Variants in CLVS1 observed in about 807,000 individuals in gnomAD.
CLVS1 encodes the protein clavesin-1.
Under a neutral mutation model 33.1 loss-of-function variants are expected in CLVS1, and 10 were observed. The ratio of observed to expected loss-of-function variants is 0.30; its 90% CI spans 0.19 to 0.51. The LOEUF is 0.51. Ranked by LOEUF, CLVS1 falls within the 20% of genes least tolerant of loss-of-function variation. The pLI is 0.97. For missense variants in CLVS1, 343 were observed against 433.4 expected (o/e 0.79, Z 1.85); for synonymous variants, 163 against 166.1 (o/e 0.98, Z 0.14).
intron 2 of CLVS1, among the ~76,000 whole-genome samples, chr8:61,347,811 A>C (rs972365095): frequency 6.6e-6 from 1 of 151,092 alleles, no homozygotes; most frequent in Non-Finnish European, 1.5e-5. Context: ...TTGCTGAATC[A>C]TATGATAGTT....
chr8:61,059,475 C>CATACATACATACATATATATATATAT (rs59538219), intron 1 of CLVS1, among the ~76,000 whole-genome samples: 2 of 50,206 alleles, frequency 4.0e-5, no homozygotes, highest in African/African-American at 5.9e-5. Context: ...TACATACATA[C>CATACATACATACATATATATATATAT]ATATATATAT....
At chr8:61,156,954 T>C (rs1195615410) in intron 2 of CLVS1, among the ~76,000 whole-genome samples, 2 of 152,190 alleles carry the variant, frequency 1.3e-5, no homozygotes, top group Non-Finnish European at 2.9e-5. Flanking sequence ...GGGTCCCACA[T>C]TGCAGAGATC....
intron 2 of CLVS1, among the ~76,000 whole-genome samples, chr8:61,351,728 G>A (rs182734320): frequency 6.6e-5 from 10 of 152,136 alleles, no homozygotes; most frequent in African/African-American, 2.4e-4. Context: ...ACCAATTCAA[G>A]TGACACTGAA....
At chr8:61,020,917 C>T in the CLVS1 span, among the ~76,000 whole-genome samples, 2 of 152,220 alleles carry the variant, frequency 1.3e-5, no homozygotes, top group Non-Finnish European at 2.9e-5. Context: ...GGCTCTTTCA[C>T]ATGCTTCTGT....
chr8:61,296,396 A>T (rs10090442), intron 1 of CLVS1, among the ~76,000 whole-genome samples: 99,752 of 152,128 alleles, frequency 0.66, 35,596 homozygotes, highest in East Asian at 0.97. Flanking sequence ...CCCATAGTAA[A>T]TTATCTCAGA....
chr8:61,357,952 A>G (rs561303536), intron 2 of CLVS1, among the ~76,000 whole-genome samples: 3 of 152,280 alleles, frequency 2.0e-5, no homozygotes. Context: ...TGTGATATTC[A>G]GACAGGAAGT....
intron 3 of CLVS1, among the ~76,000 whole-genome samples, chr8:61,427,347 T>G (rs117075108): frequency 0.011 from 1,656 of 152,298 alleles, 11 homozygotes; most frequent in Non-Finnish European, 0.014. Context: ...TTAGCCTTGC[T>G]AGCTTCCTTT....
intron 2 of CLVS1, among the ~76,000 whole-genome samples, chr8:61,246,002 C>T (rs1021872892): frequency 7.9e-5 from 12 of 151,714 alleles, no homozygotes; most frequent in Admixed American, 4.6e-4. Context: ...GAACTCCTGA[C>T]GTCATATGAT....
intron 3 of CLVS1, among the ~76,000 whole-genome samples, chr8:61,392,426 C>G (rs1001604551): frequency 9.9e-5 from 15 of 152,144 alleles, no homozygotes; most frequent in Admixed American, 1.3e-4. Context: ...CTCCAGTTAT[C>G]TGATTTTCTC....
upstream of CLVS1, among the ~76,000 whole-genome samples, chr8:61,054,876 A>T (rs1804450112): frequency 6.6e-6 from 1 of 152,100 alleles, no homozygotes; most frequent in Non-Finnish European, 1.5e-5. Flanking sequence ...CACTGAATAA[A>T]CCAATCAAGG....
At chr8:61,333,036 C>T (rs1486543931) in intron 2 of CLVS1, among the ~76,000 whole-genome samples, 1 of 152,294 alleles carries the variant, frequency 6.6e-6, no homozygotes, top group East Asian at 1.9e-4. Flanking sequence ...TCCCATGATT[C>T]TGTTCTTGAC....
intron 2 of CLVS1, among the ~76,000 whole-genome samples, chr8:61,317,044 G>T (rs907538617): frequency 3.3e-4 from 50 of 152,042 alleles, no homozygotes; most frequent in African/African-American, 1.1e-3. Flanking sequence ...TTATATTGTG[G>T]TCACTTCATT....
At chr8:61,263,356 G>C (rs1809245073) in intron 2 of CLVS1, among the ~76,000 whole-genome samples, 1 of 152,122 alleles carries the variant, frequency 6.6e-6, no homozygotes, top group Non-Finnish European at 1.5e-5. Context: ...TTGATTTTCA[G>C]TTGACTTTTG....
At chr8:61,394,992 G>A (rs1316377641) in intron 3 of CLVS1, among the ~76,000 whole-genome samples, 1 of 152,188 alleles carries the variant, frequency 6.6e-6, no homozygotes, top group African/African-American at 2.4e-5. Flanking sequence ...TTTGAGAAAT[G>A]TCTGTCCAAA....
At chr8:61,314,644 T>C (rs1585790215) in intron 2 of CLVS1, among the ~76,000 whole-genome samples, 1 of 152,240 alleles carries the variant, frequency 6.6e-6, no homozygotes, top group East Asian at 1.9e-4. Context: ...ATTTAAATGA[T>C]TATACCCTGG....
chr8:61,459,334 A>T (rs1817277843), intron 5 of CLVS1, among the ~76,000 whole-genome samples: 1 of 152,188 alleles, frequency 6.6e-6, no homozygotes, highest in African/African-American at 2.4e-5. Flanking sequence ...TAAAAATTAA[A>T]ACCTGATTTT....
intron 2 of CLVS1, among the ~76,000 whole-genome samples, chr8:61,149,518 C>T (rs1263737597): frequency 5.9e-5 from 8 of 135,782 alleles, no homozygotes; most frequent in Non-Finnish European, 1.1e-4. Context: ...CGCCACTGTA[C>T]TCCAGCCTAG....
intron 2 of CLVS1, among the ~76,000 whole-genome samples, chr8:61,164,598 C>A (rs1208251731): frequency 1.3e-5 from 2 of 152,114 alleles, no homozygotes; most frequent in Non-Finnish European, 2.9e-5. Context: ...GCAAGTCCCC[C>A]CCGCCCAGGC....
chr8:61,114,465 T>G (rs1195232680), intron 1 of CLVS1, among the ~76,000 whole-genome samples: 1 of 152,228 alleles, frequency 6.6e-6, no homozygotes, highest in Non-Finnish European at 1.5e-5. Flanking sequence ...AAAGACCAGA[T>G]TCCTAGATAA....
Sources: allele counts gnomAD v4.1 joint callset (sites outside exome capture counted in the v4.1 genomes callset), GRCh38; gene constraint gnomAD v4.1.1; transcripts MANE v1.5; gene names NCBI Gene and HGNC (gene_info 2026-07-23, HGNC 2026-07-21).